RARB: variants seen among roughly 807,000 people sequenced by gnomAD.
RARB encodes the protein retinoic acid receptor beta, also known as HBV-activated protein.
In RARB, 17 loss-of-function variants were observed where a neutral mutation model predicts 51.9. The ratio of observed to expected loss-of-function variants is 0.33; its 90% CI spans 0.22 to 0.49. The LOEUF is 0.49. Ranked by LOEUF, RARB falls within the 20% of genes least tolerant of loss-of-function variation. The probability of loss-of-function intolerance (pLI) is 0.99; values close to 1 mark genes in which losing one functional copy is unlikely to be tolerated. For synonymous variants in RARB, 215 were observed against 195.4 expected, an observed-to-expected ratio of 1.10 and a Z score of -0.84; for missense variants, 369 against 550.8, an observed-to-expected ratio of 0.67 and a Z score of 3.30.
At chr3:25,283,706 AC>A in intron 5 of RARB, among the ~76,000 whole-genome samples, 1 of 152,204 alleles carries the variant, frequency 6.6e-6, no homozygotes. Flanking sequence ...GGGCTGCTGT[AC>A]TGAGCTGGAT....
intron 2 of RARB, among the ~76,000 whole-genome samples, chr3:24,925,638 C>A (rs1205849150): frequency 7.6e-6 from 1 of 131,656 alleles, no homozygotes; most frequent in Non-Finnish European, 1.6e-5. Flanking sequence ...AGAGCCAGAT[C>A]CTGTCTTTTT....
At chr3:25,259,285 C>T (rs543254767) in intron 5 of RARB, among the ~76,000 whole-genome samples, 1 of 152,196 alleles carries the variant, frequency 6.6e-6, no homozygotes, top group South Asian at 2.1e-4. Context: ...ACTGGATCTC[C>T]CAGCATTCTT....
At chr3:24,902,994 C>T (rs185625355) in intron 2 of RARB, among the ~76,000 whole-genome samples, 24 of 152,030 alleles carry the variant, frequency 1.6e-4, no homozygotes, top group East Asian at 3.9e-4. Flanking sequence ...AGAAACAAGA[C>T]GCCTCTAAGC....
In RARB at chr3:25,001,895, G is replaced by A. The variant is rs200689076; in HGVS notation, c.-379-58230G>A. Among the ~76,000 whole-genome samples the A allele has an allele frequency of 3.8e-4, 58 of 151,864 alleles. 1 individual carries two copies. Among genetic ancestry groups the A allele is most frequent in the East Asian group, 3.5e-3 (18 of 5,144 alleles). ...CAAGCTCAAGCAATTCTCCCATTTC[G>A]GCCTCCCAAGTAGCTAGGACCACAG... is the stretch of plus-strand genomic sequence containing the variant. On this transcript the variant is annotated intron_variant, in intron 2 of 11. Transcript: ENST00000383772.
chr3:25,577,934 G>A (rs1173751495), intron 4 of RARB, among the ~76,000 whole-genome samples: 2 of 152,248 alleles, frequency 1.3e-5, no homozygotes, highest in African/African-American at 4.8e-5. Flanking sequence ...GCCGAAGAGG[G>A]GACCTCCTCT....
chr3:24,944,818 A>T (rs1398042069), intron 2 of RARB, among the ~76,000 whole-genome samples: 1 of 152,236 alleles, frequency 6.6e-6, no homozygotes, highest in African/African-American at 2.4e-5. Flanking sequence ...GTTAGTGCCA[A>T]CCAGTGTTAC....
chr3:25,409,815 G>A (rs781337413), intron 5 of RARB, among the ~76,000 whole-genome samples: 3 of 152,064 alleles, frequency 2.0e-5, no homozygotes, highest in Non-Finnish European at 4.4e-5. Flanking sequence ...GATTCCAAAC[G>A]TACTTTAATG....
intron 5 of RARB, among the ~76,000 whole-genome samples, chr3:25,187,872 T>C (rs1701013277): frequency 2.0e-5 from 3 of 152,264 alleles, no homozygotes; most frequent in African/African-American, 7.2e-5. Flanking sequence ...ATAAATGTTT[T>C]AGTGTGTTTG....
At chr3:24,962,325 G>A (rs1052506520) in intron 2 of RARB, among the ~76,000 whole-genome samples, 2 of 151,996 alleles carry the variant, frequency 1.3e-5, no homozygotes, top group South Asian at 2.1e-4. Context: ...TGATTGCTGC[G>A]GGCTGTCCCA....
intron 2 of RARB, among the ~76,000 whole-genome samples, chr3:24,887,881 A>G (rs1703293349): frequency 6.6e-6 from 1 of 152,158 alleles, no homozygotes; most frequent in South Asian, 2.1e-4. Context: ...GAAGAAGCTG[A>G]TGGCCTTGAG....
intron 3 of RARB, among the ~76,000 whole-genome samples, chr3:25,106,653 AT>A (rs71622797): frequency 3.4e-5 from 5 of 147,498 alleles, no homozygotes; most frequent in Admixed American, 6.8e-5. Flanking sequence ...AGGCTGCAGT[AT>A]TTTTTTTTTA....
intron 5 of RARB, among the ~76,000 whole-genome samples, chr3:25,204,963 G>A (rs1017139191): frequency 1.5e-4 from 23 of 152,184 alleles, no homozygotes; most frequent in African/African-American, 5.1e-4. Flanking sequence ...GTCAGACAGG[G>A]ACATTTAAGT....
chr3:25,056,726 C>G (rs1344666003), intron 2 of RARB, among the ~76,000 whole-genome samples: 1 of 151,982 alleles, frequency 6.6e-6, no homozygotes, highest in African/African-American at 2.4e-5. Context: ...ATAATTCAAC[C>G]CTTATTTTGG....
chr3:24,843,556 T>C (rs1702446027), intron 1 of RARB, among the ~76,000 whole-genome samples: 1 of 152,096 alleles, frequency 6.6e-6, no homozygotes, highest in South Asian at 2.1e-4. Context: ...CTCATATAGA[T>C]TTGAATCCAA....
intron 5 of RARB, among the ~76,000 whole-genome samples, chr3:25,584,961 C>A (rs1453075752): frequency 6.6e-6 from 1 of 151,654 alleles, no homozygotes; most frequent in Non-Finnish European, 1.5e-5. Context: ...CCTCCGCCCC[C>A]ACCCCACTGC....
At chr3:25,205,883 A>G (rs1173969575) in intron 5 of RARB, among the ~76,000 whole-genome samples, 2 of 152,054 alleles carry the variant, frequency 1.3e-5, no homozygotes, top group African/African-American at 4.8e-5. Flanking sequence ...AGTTAGGACT[A>G]CAGGCATGAG....
chr3:24,988,785 TCTC>T (rs1280865584), intron 2 of RARB, among the ~76,000 whole-genome samples: 1 of 152,152 alleles, frequency 6.6e-6, no homozygotes, highest in Non-Finnish European at 1.5e-5. Flanking sequence ...ATTTATCCAT[TCTC>T]CTATTGATGG....
chr3:25,283,028 T>C, intron 5 of RARB, among the ~76,000 whole-genome samples: 1 of 152,182 alleles, frequency 6.6e-6, no homozygotes, highest in East Asian at 1.9e-4. Flanking sequence ...TCTTCCCTTT[T>C]CGGATGAGCA....
chr3:25,207,188 G>T (rs898235713), intron 5 of RARB, among the ~76,000 whole-genome samples: 2 of 152,210 alleles, frequency 1.3e-5, no homozygotes, highest in African/African-American at 2.4e-5. Context: ...GCAGAATAAT[G>T]AGGTCATTTG....
Sources: gnomAD v4.1 joint callset for allele counts (sites outside exome capture counted in the v4.1 genomes callset) on GRCh38, gnomAD v4.1.1 for gene constraint, MANE v1.5 for transcripts, NCBI Gene and HGNC (gene_info 2026-07-23, HGNC 2026-07-21) for gene names.